Variants in SDK2 observed in about 807,000 individuals in gnomAD.
The protein encoded by SDK2 is protein sidekick-2.
A neutral mutation model predicts 253.9 loss-of-function variants in SDK2; 105 were observed. The observed-to-expected ratio is 0.41, with a 90% CI of 0.35 to 0.49. The LOEUF is 0.49. SDK2 is among the 20% of genes least tolerant of loss of function. The pLI is 0.06. For synonymous variants in SDK2, 1,249 were observed against 1,234.9 expected (o/e 1.01, Z -0.24); for missense variants, 2,608 against 3,003.0 (o/e 0.87, Z 3.07).
At chr17:73,344,317 G>A (rs1425711685) in intron 44 of SDK2, among the ~76,000 whole-genome samples, 1 of 152,196 alleles carries the variant, frequency 6.6e-6, no homozygotes, top group Non-Finnish European at 1.5e-5. Flanking sequence ...CCCACAACCG[G>A]CTGTCAGAGA....
At chr17:73,398,767 C>T (rs2062993772) in intron 22 of SDK2, among the ~76,000 whole-genome samples, 1 of 152,202 alleles carries the variant, frequency 6.6e-6, no homozygotes, top group Admixed American at 6.5e-5. Context: ...TTCTCTTGAA[C>T]ACCCCGGGTA....
At chr17:73,412,047 TATATACGTATATGTATATATAC>T (rs2063136815) in intron 18 of SDK2, among the ~76,000 whole-genome samples, 1 of 7,386 alleles carries the variant, frequency 1.4e-4, no homozygotes, top group Non-Finnish European at 6.5e-4. Context: ...TATATATATG[TATATACGTATATGTATATATAC>T]GTATATATGT....
chr17:73,468,087 G>A (rs924229980), intron 3 of SDK2, among the ~76,000 whole-genome samples: 5 of 152,208 alleles, frequency 3.3e-5, no homozygotes, highest in African/African-American at 1.2e-4. Flanking sequence ...TGAGGGGGCT[G>A]CTGGAACAGG....
chr17:73,548,521 T>G lies in SDK2; in HGVS notation c.65-40924A>C, dbSNP rs968800007. Among the ~76,000 whole-genome samples the G allele has an allele frequency of 2.6e-5, 4 of 152,360 alleles. No homozygotes were observed. The East Asian group carries it at 5.8e-4, about 22-fold the overall frequency. ...GGGGGACAGATAATCCTGATCCCAT[T>G]TGTGGGACACAGAAACCGATGCCAA... On this transcript the variant is annotated intron_variant, in intron 1 of 44. Transcript: ENST00000392650.
chr17:73,412,321 A>G (rs2063146579), intron 18 of SDK2, among the ~76,000 whole-genome samples: 1 of 150,732 alleles, frequency 6.6e-6, no homozygotes, highest in South Asian at 2.1e-4. Flanking sequence ...TATTTTTAGT[A>G]GAGATGGGAT....
In SDK2 at chr17:73,408,521, G is replaced by A. The variant is rs538763450; in HGVS notation, c.2484+6123C>T. 1.4e-4 allele frequency among the ~76,000 whole-genome samples: 21 copies of A among 152,196 alleles called. No homozygotes were observed. The South Asian group carries it at 4.4e-3, about 32-fold the overall frequency. On this transcript the variant is annotated intron_variant, in intron 18 of 44. Coordinates refer to ENST00000392650, the MANE Select transcript of SDK2 (RefSeq NM_001144952.2). ...TTACAGGCGTGAGCCATCACACCCC[G>A]AAGTAAAATATTTCAAATAACAAAA...
chr17:73,466,143 T>C (rs904207667), intron 3 of SDK2, among the ~76,000 whole-genome samples: 1 of 152,184 alleles, frequency 6.6e-6, no homozygotes, highest in African/African-American at 2.4e-5. Flanking sequence ...GCACCCTCAC[T>C]GCCTGGTTTG....
rs547743661 is a variant in SDK2, at chr17:73,598,320, G to T, written c.64+45705C>A. 7.2e-5 allele frequency among the ~76,000 whole-genome samples: 11 copies of T among 152,326 alleles called. No homozygotes were observed. The South Asian group carries it at 2.3e-3, about 32-fold the overall frequency. Reference sequence around the variant, plus strand: ...ACCCCCTGTCCTCCTGGCTCAGGTCGCTGGGTCATTGGCCGACGGCACCTG... The same window carrying T: ...ACCCCCTGTCCTCCTGGCTCAGGTCTCTGGGTCATTGGCCGACGGCACCTG... On this transcript the variant is annotated intron_variant, in intron 1 of 44. Coordinates refer to ENST00000392650, the MANE Select transcript of SDK2 (RefSeq NM_001144952.2).
intron 18 of SDK2, among the ~76,000 whole-genome samples, chr17:73,414,155 C>T (rs753734316): frequency 6.6e-6 from 1 of 151,520 alleles, no homozygotes; most frequent in Non-Finnish European, 1.5e-5. Flanking sequence ...TCAAGTGATT[C>T]TCCTGCCTCA....
chr17:73,504,215 T>TGTGTGAGA (rs1555593638), intron 2 of SDK2: 15 of 81,792 alleles, frequency 1.8e-4, no homozygotes, highest in African/African-American at 4.7e-4. Flanking sequence ...TGTGTGTGTG[T>TGTGTGAGA]GAGAGAGAGA....
intron 1 of SDK2, among the ~76,000 whole-genome samples, chr17:73,530,608 C>G (rs148597889): frequency 6.6e-6 from 1 of 152,176 alleles, no homozygotes; most frequent in Admixed American, 6.5e-5. Flanking sequence ...GTAAGCCCCT[C>G]GCAGGGGTGT....
At chr17:73,509,815 G>A (rs373820656) in intron 1 of SDK2, among the ~76,000 whole-genome samples, 5 of 145,032 alleles carry the variant, frequency 3.4e-5, no homozygotes, top group Admixed American at 2.2e-4. Flanking sequence ...CAGGAGAATC[G>A]CTTAAACTCA....
chr17:73,390,505 A>T, intron 28 of SDK2, 24 bp from the exon 29 acceptor site: 2 of 1,593,972 alleles, frequency 1.3e-6, no homozygotes, highest in Non-Finnish European at 1.7e-6. Flanking sequence ...GCACATGGCT[A>T]TTATGGCAAG....
chr17:73,461,623 A>G (rs977258506), intron 3 of SDK2, among the ~76,000 whole-genome samples: 5 of 152,108 alleles, frequency 3.3e-5, no homozygotes, highest in African/African-American at 1.2e-4. Flanking sequence ...CAGTGGATGG[A>G]TGGATGTTTG....
intron 44 of SDK2, among the ~76,000 whole-genome samples, chr17:73,346,788 A>G (rs375825258): frequency 1.3e-5 from 2 of 151,560 alleles, no homozygotes; most frequent in East Asian, 1.9e-4. Flanking sequence ...TGCAAAACCC[A>G]CTCTCCAAAG....
chr17:73,461,642 G>T (rs1309019071), intron 3 of SDK2, among the ~76,000 whole-genome samples: 1 of 152,170 alleles, frequency 6.6e-6, no homozygotes, highest in Non-Finnish European at 1.5e-5. Context: ...TGGATGGATG[G>T]GGGGATGGAA....
Position 73,496,835 on chromosome 17 carries a change from CT to C in SDK2, c.224+10602del, listed in dbSNP as rs1475913968. ...CTCTAACTCCTCAACTTGCCCCATC[CT>C]CCCCCTCCTGAAGGTCACCAGACTT... On this transcript the variant is annotated intron_variant, in intron 2 of 44. Transcript: ENST00000392650. The surrounding 1 kb of genome is among the most constrained non-coding windows in gnomAD (Gnocchi z 4.7). Among the ~76,000 whole-genome samples, 1 of 152,186 alleles carries C rather than the reference CT, an allele frequency of 6.6e-6. No homozygotes were observed. Among genetic ancestry groups the C allele is most frequent in the African/African-American group, 2.4e-5 (1 of 41,452 alleles).
chr17:73,584,820 T>G lies in SDK2; in HGVS notation c.64+59205A>C, dbSNP rs996429067. Reference sequence around the variant, plus strand: ...TGTGTCCCTGCAGGGTTCCCCTGCCTCTCCTGCCACCACATCCCTGGCCCT... The same window carrying G: ...TGTGTCCCTGCAGGGTTCCCCTGCCGCTCCTGCCACCACATCCCTGGCCCT... On this transcript the variant is annotated intron_variant, in intron 1 of 44. Transcript: ENST00000392650. Among the ~76,000 whole-genome samples the G allele has an allele frequency of 6.6e-5, 10 of 152,302 alleles. No individual in the cohort carries two copies. The South Asian group carries it at 8.3e-4, about 13-fold the overall frequency.
intron 1 of SDK2, among the ~76,000 whole-genome samples, chr17:73,562,384 C>CG (rs1255296105): frequency 9.2e-5 from 14 of 152,076 alleles, no homozygotes; most frequent in African/African-American, 3.4e-4. Context: ...TTGGGAGCAC[C>CG]CCCCTAAGAT....
Sources: gnomAD v4.1 joint callset for allele counts (sites outside exome capture counted in the v4.1 genomes callset) on GRCh38, gnomAD v4.1.1 for gene constraint, Gnocchi (gnomAD v3.1) non-coding constraint, MANE v1.5 for transcripts, NCBI Gene and HGNC (gene_info 2026-07-23, HGNC 2026-07-21) for gene names.